TRIM35: variants seen among roughly 807,000 people sequenced by gnomAD.
TRIM35 encodes tripartite motif containing 35.
Under a neutral mutation model 49.1 loss-of-function variants are expected in TRIM35, and 37 were observed. That is an observed-to-expected ratio of 0.75 (90% CI 0.58 to 0.99). The LOEUF (loss-of-function observed/expected upper bound fraction) is 0.99, where lower values mean the gene tolerates loss of function less well. Among genes scored for constraint, TRIM35 ranks in the 50% least tolerant of loss-of-function variants. TRIM35 has a pLI of 0.00. For missense variants in TRIM35, 648 were observed against 702.7 expected, an observed-to-expected ratio of 0.92 and a Z score of 0.88; for synonymous variants, 302 against 289.3, an observed-to-expected ratio of 1.04 and a Z score of -0.45.
intron 5 of TRIM35, among the ~76,000 whole-genome samples, 161 bp downstream of exon 5, chr8:27,289,001 A>G (rs1158300537): frequency 1.3e-5 from 2 of 152,212 alleles, no homozygotes; most frequent in African/African-American, 4.8e-5. Flanking sequence ...ACCAGGGTAC[A>G]GGAACCTGCC....
intron 2 of TRIM35, among the ~76,000 whole-genome samples, chr8:27,296,154 C>CTTT (rs563260897): frequency 1.5e-5 from 2 of 129,422 alleles, no homozygotes; most frequent in Non-Finnish European, 1.7e-5. Context: ...GGGTGATTCT[C>CTTT]TTTTTTTTTT....
chr8:27,294,355 A>AT, intron 2 of TRIM35, 45 bp from the exon 3 acceptor site: 1 of 1,569,218 alleles, frequency 6.4e-7, no homozygotes, highest in Non-Finnish European at 8.6e-7. Flanking sequence ...TGTGGAGAGG[A>AT]CATCCATAGC....
At position 27,311,049 on chromosome 8, in the gene TRIM35, G is replaced by A. The variant is rs995193521; in HGVS notation, c.187C>T (p.Arg63Cys). ...GTGCGCAGGTCGGCGGGTGACGCGCGGTCTTTGCACACTGGGCAGGTGGGC... is the reference window on the plus strand; with the variant it reads ...GTGCGCAGGTCGGCGGGTGACGCGCAGTCTTTGCACACTGGGCAGGTGGGC... ...VSPTCPVCKD[R>C]ASPADLRTNH... Residue 63 changes from arginine (R) to cysteine (C), a missense_variant, in exon 1 of 6, where the codon CGC becomes TGC. Arg to Cys is a radical substitution (Grantham distance 180). Transcript: ENST00000305364. 1 of 1,598,934 alleles carries A rather than the reference G, an allele frequency of 6.3e-7. No homozygotes were observed. The highest frequency in any genetic ancestry group is 1.3e-5 in the African/African-American group (1 of 74,696).
chr8:27,294,259 G>C lies in TRIM35; in HGVS notation c.583C>G (p.Arg195Gly). The C allele has an allele frequency of 1.2e-6, 2 of 1,614,106 alleles. No individual in the cohort carries two copies. Among genetic ancestry groups the C allele is most frequent in the Non-Finnish European group, 1.7e-6 (2 of 1,180,042 alleles). ...GRIRQEFDKL[R>G]EFLRVEEQAI... is the part of the protein sequence containing the mutation. ...TGCTCCTCCACTCTCAAGAACTCGC[G>C]AAGCTTATCAAACTCCTGCCGGATC... The change falls in exon 3 of 6, where the codon CGC becomes GGC. Residue 195 changes from arginine to glycine, a missense_variant. Coordinates refer to ENST00000305364, the MANE Select transcript of TRIM35 (RefSeq NM_171982.5).
In TRIM35 at chr8:27,287,702, C is replaced by T. The variant is rs1339952022; in HGVS notation, c.1330G>A (p.Ala444Thr). ...GTGTACAGGTGGCAGTGGCGCTCCG[C>T]GTCATAGAAAGACAGCTCGCCCTCC... The part of the protein sequence containing the change: ...CEEGELSFYD[A>T]ERHCHLYTFH... Residue 444 changes from alanine to threonine, a missense_variant, in exon 6 of 6, where the codon GCG becomes ACG. Ala to Thr is a moderately conservative substitution (Grantham distance 58). Coordinates refer to ENST00000305364, the MANE Select transcript of TRIM35 (RefSeq NM_171982.5). The surrounding 1 kb of genome is among the most constrained non-coding windows in gnomAD (Gnocchi z 6.0). The T allele has an allele frequency of 4.3e-6, 7 of 1,610,114 alleles. No individual in the cohort carries two copies. Among genetic ancestry groups the T allele is most frequent in the South Asian group, 1.1e-5 (1 of 90,122 alleles).
In TRIM35 at chr8:27,294,066, G is replaced by T; in HGVS notation, c.762+14C>A. ...TGTGGCCCTGTCACTGAATCCAGAC[G>T]CTGAGCTCCTTACCATGAGAAAAGA... On this transcript the variant is annotated intron_variant, in intron 3 of 5. Transcript: ENST00000305364. 4 of 1,612,462 alleles carry T rather than the reference G, an allele frequency of 2.5e-6. No individual in the cohort carries two copies. The highest frequency in any genetic ancestry group is 3.4e-6 in the Non-Finnish European group (4 of 1,179,184).
At chr8:27,298,812 G>C (rs906886663) in intron 1 of TRIM35, among the ~76,000 whole-genome samples, 1 of 152,196 alleles carries the variant, frequency 6.6e-6, no homozygotes, top group African/African-American at 2.4e-5. Context: ...CTGGGAGATG[G>C]GGCTGAGAAG....
At chr8:27,298,366 G>A in intron 2 of TRIM35, 98 bp downstream of exon 2, 7 of 1,148,010 alleles carry the variant, frequency 6.1e-6, no homozygotes, top group Non-Finnish European at 9.1e-6. Flanking sequence ...CTACCCAGCG[G>A]GTTATGTGAG....
In TRIM35 at chr8:27,285,946, T is replaced by C. The variant is rs1802309053; in HGVS notation, c.*1604A>G. On this transcript the variant is annotated 3_prime_UTR_variant, in exon 6 of 6. Coordinates refer to ENST00000305364, the MANE Select transcript of TRIM35 (RefSeq NM_171982.5). Reference sequence around the variant, plus strand: ...CGCCCAATCCAGCCCCTTCACACACTGACATCGCCTACCTGGGCCCTCCTT... The same window carrying C: ...CGCCCAATCCAGCCCCTTCACACACCGACATCGCCTACCTGGGCCCTCCTT... 1 of 368,172 alleles carries C rather than the reference T, an allele frequency of 2.7e-6. No homozygotes were observed. Among genetic ancestry groups the C allele is most frequent in the Non-Finnish European group, 5.4e-6 (1 of 185,432 alleles). 22.8% of individuals were successfully genotyped at this position (368,172 alleles called of 1,614,324 possible). A position where few individuals can be genotyped will look rare whatever the true frequency, so the allele number is the denominator to read the frequency against.
Position 27,298,473 on chromosome 8 carries a change from C to T in TRIM35, c.522G>A (p.Lys174=), listed in dbSNP as rs745750606. Residue 174 remains lysine (K), a synonymous_variant, in exon 2 of 6, where the codon AAG becomes AAA. Coordinates refer to ENST00000305364, the MANE Select transcript of TRIM35 (RefSeq NM_171982.5). The part of the protein sequence containing the change: ...AMRRSYEAIA[K]HNQVEAAWLE... ...CCCATCGTTCGCTCACCTGATTGTG[C>T]TTGGCGATGGCCTCATAGGAGCGCC... 10 of 1,614,070 alleles carry T rather than the reference C, an allele frequency of 6.2e-6. No individual in the cohort carries two copies. In the Admixed American group the frequency reaches 1.5e-4, roughly 24 times the overall value.
At chr8:27,290,260 T>C (rs1404710498) in intron 3 of TRIM35, 82 bp from the exon 4 acceptor site, 30 of 1,320,468 alleles carry the variant, frequency 2.3e-5, no homozygotes, top group Admixed American at 3.5e-5. Context: ...AAAGAAGTCA[T>C]GCATTCCATG....
chr8:27,304,733 G>C (rs551481519), intron 1 of TRIM35: 4 of 429,680 alleles, frequency 9.3e-6, no homozygotes, highest in South Asian at 6.7e-5. Context: ...TGAGTACATG[G>C]AATGCCTGTG....
Position 27,285,784 on chromosome 8 carries a change from T to C in TRIM35, c.*1766A>G, listed in dbSNP as rs1802304791. ...GGTCAAGTTTATTATACAGAAATTA[T>C]ATTAATGGGTGGGATAAATACTTTA... On this transcript the variant is annotated 3_prime_UTR_variant, in exon 6 of 6. Coordinates refer to ENST00000305364, the MANE Select transcript of TRIM35 (RefSeq NM_171982.5). 1 of 153,044 alleles carries C rather than the reference T, an allele frequency of 6.5e-6. No individual in the cohort carries two copies. The highest frequency in any genetic ancestry group is 6.5e-5 in the Admixed American group (1 of 15,344). 9.5% of individuals were successfully genotyped at this position (153,044 alleles called of 1,614,324 possible).
chr8:27,305,626 G>A (rs1802768315), intron 1 of TRIM35, among the ~76,000 whole-genome samples: 1 of 152,208 alleles, frequency 6.6e-6, no homozygotes, highest in South Asian at 2.1e-4. Flanking sequence ...CCAGCCAGAT[G>A]GACTCTAAGA....
At chr8:27,290,312 CCCTGCTATGAT>C in intron 3 of TRIM35, 134 bp from the exon 4 acceptor site, 5 of 846,248 alleles carry the variant, frequency 5.9e-6, no homozygotes, top group Non-Finnish European at 9.3e-6. Context: ...ACAATAACAT[CCCTGCTATGAT>C]TTGAACATAT....
rs760947998 is a variant in TRIM35 at position 27,287,752 on chromosome 8, C to T, written c.1280G>A (p.Arg427His). The T allele has an allele frequency of 5.0e-6, 8 of 1,609,928 alleles. No homozygotes were observed. Among genetic ancestry groups the T allele is most frequent in the Middle Eastern group, 1.6e-4 (1 of 6,076 alleles). ...TSPLVLAIPR[R>H]LRVELECEEG... The stretch of plus-strand genomic sequence containing the variant: ...CTCACACTCCAGCTCCACACGCAGG[C>T]GGCGTGGGATGGCCAGGACCAGGGG... The change falls in exon 6 of 6, where the codon CGC becomes CAC. Residue 427 changes from arginine (R) to histidine (H), a missense_variant. Physicochemically the swap from Arg to His is conservative, Grantham distance 29. Coordinates refer to ENST00000305364, the MANE Select transcript of TRIM35 (RefSeq NM_171982.5). The surrounding 1 kb of genome is among the most constrained non-coding windows in gnomAD (Gnocchi z 6.0).
chr8:27,306,329 C>T lies in TRIM35; in HGVS notation c.435+4472G>A, dbSNP rs1040518763. The stretch of plus-strand genomic sequence containing the variant: ...GCATTCGTATTTTCTTTTTTTCTTT[C>T]TTTTTTTTTTTTTTGAGACAGTGTC... On this transcript the variant is annotated intron_variant, in intron 1 of 5. Transcript: ENST00000305364. Among the ~76,000 whole-genome samples the T allele has an allele frequency of 5.0e-3, 704 of 141,770 alleles. 8 individuals are homozygous for T. The highest frequency in any genetic ancestry group is 0.018 in the African/African-American group (682 of 38,192). The allele number at this position is 141,770 out of a possible 152,430, so 93.0% of individuals were successfully genotyped here.
At chr8:27,296,153 T>C (rs1802560510) in intron 2 of TRIM35, among the ~76,000 whole-genome samples, 2 of 146,294 alleles carry the variant, frequency 1.4e-5, no homozygotes, top group South Asian at 4.2e-4. Flanking sequence ...AGGGTGATTC[T>C]CTTTTTTTTT....
At chr8:27,296,446 C>A (rs541203914) in intron 2 of TRIM35, among the ~76,000 whole-genome samples, 1 of 152,312 alleles carries the variant, frequency 6.6e-6, no homozygotes, top group East Asian at 1.9e-4. Flanking sequence ...GGAACAAACA[C>A]CAGAACTTTC....
Sources: gnomAD v4.1 joint callset for allele counts (sites outside exome capture counted in the v4.1 genomes callset) on GRCh38, gnomAD v4.1.1 for gene constraint, Gnocchi (gnomAD v3.1) non-coding constraint, MANE v1.5 for transcripts, NCBI Gene and HGNC (gene_info 2026-07-23, HGNC 2026-07-21) for gene names.